Variants in PIWIL4 observed in about 807,000 individuals in gnomAD.
PIWIL4 encodes piwi like RNA-mediated gene silencing 4.
PIWIL4 carries 50 observed loss-of-function variants against 100.9 expected under a neutral mutation model. That is an observed-to-expected ratio of 0.50 (90% CI 0.39 to 0.63). The LOEUF is 0.63. Ranked by LOEUF, PIWIL4 falls within the 20% of genes least tolerant of loss-of-function variation. The probability of loss-of-function intolerance (pLI) is 0.00; values close to 1 mark genes in which losing one functional copy is unlikely to be tolerated. For missense variants in PIWIL4, 887 were observed against 1,043.3 expected, an observed-to-expected ratio of 0.85 and a Z score of 2.06; for synonymous variants, 342 against 367.5, an observed-to-expected ratio of 0.93 and a Z score of 0.79.
At position 94,568,785 on chromosome 11, in the gene PIWIL4, G is replaced by C. The variant is rs368907778; in HGVS notation, c.143G>C (p.Gly48Ala). 5.6e-6 allele frequency: 9 copies of C among 1,605,652 alleles called. No individual in the cohort carries two copies. The highest frequency in any genetic ancestry group is 5.4e-5 in the African/African-American group (4 of 74,700). Residue 48 changes from glycine to alanine, a missense_variant, in exon 2 of 20, where the codon GGA (glycine) becomes GCA (alanine). Transcript: ENST00000299001. Reference sequence around the variant, plus strand: ...GCATCCTCTAGCAATGGCTTCTTGGGAACAAGCAGGATCTCAACCAACGGT... The same window carrying C: ...GCATCCTCTAGCAATGGCTTCTTGGCAACAAGCAGGATCTCAACCAACGGT... ...NEASSSNGFL[G>A]TSRISTNDKY...
intron 15 of PIWIL4, among the ~76,000 whole-genome samples, chr11:94,611,760 C>A (rs1267091756): frequency 6.6e-6 from 1 of 152,170 alleles, no homozygotes; most frequent in Admixed American, 6.5e-5. Flanking sequence ...CCATGTGACA[C>A]CCTGGCCCCC....
chr11:94,589,913 C>T (rs1231312830), intron 8 of PIWIL4, among the ~76,000 whole-genome samples: 2 of 152,130 alleles, frequency 1.3e-5, no homozygotes, highest in Non-Finnish European at 2.9e-5. Context: ...GTGCTTTGCG[C>T]ATATTAGATA....
chr11:94,587,144 G>A lies in PIWIL4; in HGVS notation c.811G>A (p.Glu271Lys). 1 of 1,614,144 alleles carries A rather than the reference G, an allele frequency of 6.2e-7. No individual in the cohort carries two copies. Among genetic ancestry groups the A allele is most frequent in the Non-Finnish European group, 8.5e-7 (1 of 1,179,978 alleles). Reference sequence around the variant, plus strand: ...TGTGAGTTACAAAGTCCTCCGGAATGAGACGGTTCTGGAATTCATGACTGC... The same window carrying A: ...TGTGAGTTACAAAGTCCTCCGGAATAAGACGGTTCTGGAATTCATGACTGC... Reference protein sequence around the residue: ...ADVSYKVLRNETVLEFMTALC... With the variant: ...ADVSYKVLRNKTVLEFMTALC... Residue 271 changes from glutamate to lysine, a missense_variant, in exon 7 of 20, where the codon GAG becomes AAG. Around this residue, in one of 2 missense-constraint regions of PIWIL4, gnomAD observed 741 missense variants for 930.0 expected, o/e 0.80. Coordinates refer to ENST00000299001, the MANE Select transcript of PIWIL4 (RefSeq NM_152431.3).
At chr11:94,599,663 T>C (rs1948608732) in intron 11 of PIWIL4, among the ~76,000 whole-genome samples, 1 of 152,134 alleles carries the variant, frequency 6.6e-6, no homozygotes, top group Admixed American at 6.5e-5. Context: ...GCCCAGCCAG[T>C]GGAAGGCATC....
chr11:94,575,008 G>C lies in PIWIL4; in HGVS notation c.176G>C (p.Gly59Ala), dbSNP rs1474407796. 1 of 1,612,028 alleles carries C rather than the reference G, an allele frequency of 6.2e-7. No individual in the cohort carries two copies. The highest frequency in any genetic ancestry group is 1.3e-5 in the African/African-American group (1 of 74,852). Residue 59 changes from glycine to alanine, a missense_variant, in exon 3 of 20, where the codon GGG becomes GCG. Gly to Ala is a moderately conservative substitution (Grantham distance 60). This residue lies in a region of PIWIL4 where 146 missense variants were observed against 113.4 expected (regional missense o/e 1.29). Coordinates refer to ENST00000299001, the MANE Select transcript of PIWIL4 (RefSeq NM_152431.3). Reference protein sequence around the residue: ...TSRISTNDKYGISSGDAGSTF... With the variant: ...TSRISTNDKYAISSGDAGSTF... ...TCTCTTCATGTTTTAGATAAATATG[G>C]GATATCTTCTGGTGATGCTGGAAGT...
At chr11:94,605,378 A>G (rs73512494) in intron 13 of PIWIL4, among the ~76,000 whole-genome samples, 4,185 of 152,228 alleles carry the variant, frequency 0.027, 198 homozygotes, top group African/African-American at 0.096. Flanking sequence ...GGTTTGTCTG[A>G]TGTCTCCTCA....
intron 2 of PIWIL4, among the ~76,000 whole-genome samples, chr11:94,573,202 G>T (rs1207529767): frequency 6.6e-6 from 1 of 152,188 alleles, no homozygotes; most frequent in East Asian, 1.9e-4. Flanking sequence ...AGACGATGGG[G>T]TGTTCTAGAT....
chr11:94,580,533 A>G (rs555506612), intron 4 of PIWIL4, among the ~76,000 whole-genome samples: 2 of 152,282 alleles, frequency 1.3e-5, no homozygotes, highest in South Asian at 2.1e-4. Context: ...ACTCTCATAT[A>G]CTTATAAAGA....
chr11:94,574,182 A>G (rs137892480), intron 2 of PIWIL4, among the ~76,000 whole-genome samples: 1 of 152,234 alleles, frequency 6.6e-6, no homozygotes, highest in Non-Finnish European at 1.5e-5. Context: ...TGTTTTCTAG[A>G]AGCTGTCAGT....
intron 3 of PIWIL4, among the ~76,000 whole-genome samples, chr11:94,575,597 G>A (rs749871273): frequency 3.9e-5 from 6 of 152,140 alleles, no homozygotes; most frequent in Admixed American, 1.3e-4. Context: ...GCCACCTCAC[G>A]AAAGTTAAAA....
At chr11:94,617,377 G>A (rs1948858814) in intron 16 of PIWIL4, among the ~76,000 whole-genome samples, 1 of 151,892 alleles carries the variant, frequency 6.6e-6, no homozygotes, top group Admixed American at 6.6e-5. Context: ...AGTTATTAAA[G>A]GTTTTCGTTG....
intron 15 of PIWIL4, among the ~76,000 whole-genome samples, chr11:94,615,701 A>G (rs1044126373): frequency 3.9e-5 from 6 of 152,214 alleles, no homozygotes; most frequent in African/African-American, 1.4e-4. Context: ...TCACAGGCAC[A>G]GTGATAGCAC....
At chr11:94,616,669 C>T in intron 16 of PIWIL4, 106 bp downstream of exon 16, 1 of 817,984 alleles carries the variant, frequency 1.2e-6, no homozygotes. Flanking sequence ...CTCTCTACAC[C>T]TGTCTTTGTC....
At chr11:94,573,051 T>C (rs1948181889) in intron 2 of PIWIL4, among the ~76,000 whole-genome samples, 1 of 152,240 alleles carries the variant, frequency 6.6e-6, no homozygotes, top group African/African-American at 2.4e-5. Context: ...TTTGAAGGAA[T>C]TGTGAATGGG....
intron 4 of PIWIL4, among the ~76,000 whole-genome samples, chr11:94,581,841 C>T (rs1323074184): frequency 6.6e-6 from 1 of 152,176 alleles, no homozygotes; most frequent in Non-Finnish European, 1.5e-5. Context: ...AAAGGTGTTC[C>T]ACATCACACC....
intron 11 of PIWIL4, among the ~76,000 whole-genome samples, chr11:94,598,705 C>CTTTTTTTTTT (rs769342028): frequency 9.1e-6 from 1 of 110,086 alleles, no homozygotes; most frequent in Admixed American, 9.9e-5. Flanking sequence ...TTTTTTCCAT[C>CTTTTTTTTTT]TTTTTTTTTT....
At chr11:94,588,000 G>T (rs1196125054) in intron 7 of PIWIL4, among the ~76,000 whole-genome samples, 2 of 152,152 alleles carry the variant, frequency 1.3e-5, no homozygotes, top group Non-Finnish European at 2.9e-5. Context: ...GGATGTGCAG[G>T]TTTGTTAAGT....
In PIWIL4 at chr11:94,586,895, G is replaced by C. The variant is rs990021090; in HGVS notation, c.717-155G>C. 1.6e-4 allele frequency among the ~76,000 whole-genome samples: 24 copies of C among 152,170 alleles called. 1 individual carries two copies. The South Asian group carries it at 2.7e-3, about 17-fold the overall frequency. ...TTAAAGACACTGCAGCTGAAAAAAAGTTTTCAGTCAACAACTGGAAGAAAT... is the reference window on the plus strand; with the variant it reads ...TTAAAGACACTGCAGCTGAAAAAAACTTTTCAGTCAACAACTGGAAGAAAT... On this transcript the variant is annotated intron_variant, in intron 6 of 19. Coordinates refer to ENST00000299001, the MANE Select transcript of PIWIL4 (RefSeq NM_152431.3).
At chr11:94,586,499 T>C (rs1033922504) in intron 6 of PIWIL4, among the ~76,000 whole-genome samples, 2 of 152,220 alleles carry the variant, frequency 1.3e-5, no homozygotes, top group Non-Finnish European at 2.9e-5. Context: ...GTATCACTTT[T>C]GTATTTTTTA....
Sources: allele counts gnomAD v4.1 joint callset (sites outside exome capture counted in the v4.1 genomes callset), GRCh38; gene constraint gnomAD v4.1.1; regional missense constraint gnomAD v4.1.1; transcripts MANE v1.5; gene names NCBI Gene and HGNC (gene_info 2026-07-23, HGNC 2026-07-21).